CREB5: variants seen among roughly 807,000 people sequenced by gnomAD.
CREB5 encodes cyclic AMP-responsive element-binding protein 5.
CREB5 carries 19 observed loss-of-function variants against 57.1 expected under a neutral mutation model. The ratio of observed to expected loss-of-function variants is 0.33; its 90% CI spans 0.23 to 0.49. The LOEUF (loss-of-function observed/expected upper bound fraction) is 0.49. Ranked by LOEUF, CREB5 falls within the 20% of genes least tolerant of loss-of-function variation. CREB5 has a pLI of 0.99. For synonymous variants in CREB5, 238 were observed against 238.3 expected, an observed-to-expected ratio of 1.00 and a Z score of 0.01; for missense variants, 579 against 671.6, an observed-to-expected ratio of 0.86 and a Z score of 1.52.
upstream of CREB5, among the ~76,000 whole-genome samples, chr7:28,408,033 T>C (rs1361415553): frequency 2.0e-5 from 3 of 152,152 alleles, no homozygotes; most frequent in Non-Finnish European, 4.4e-5. Context: ...TTAGCAGAGG[T>C]TCCAACCACC....
In CREB5 at chr7:28,691,276, C is replaced by G. The variant is rs562137443; in HGVS notation, c.465-27477C>G. 2.4e-4 allele frequency among the ~76,000 whole-genome samples: 37 copies of G among 151,878 alleles called. 1 individual carries two copies. The highest frequency in any genetic ancestry group is 8.9e-4 in the African/African-American group (37 of 41,418). ...CTCTACTAAAACTACAAAACTTAGC[C>G]GGGTGTGGTGGCGGGTGCCTGTAAT... is the stretch of plus-strand genomic sequence containing the variant. On this transcript the variant is annotated intron_variant, in intron 5 of 10. Transcript: ENST00000357727.
intron 1 of CREB5, among the ~76,000 whole-genome samples, chr7:28,487,656 TC>T (rs772417166): frequency 6.6e-6 from 1 of 152,210 alleles, no homozygotes; most frequent in African/African-American, 2.4e-5. Context: ...TACTTTGTAG[TC>T]CCTTGGGAAT....
chr7:28,701,342 G>A (rs1476207322), intron 5 of CREB5, among the ~76,000 whole-genome samples: 2 of 152,046 alleles, frequency 1.3e-5, no homozygotes, highest in African/African-American at 4.8e-5. Context: ...TTTGGATAAA[G>A]CCAATTAACT....
At chr7:28,797,179 A>G (rs1466481755) in intron 7 of CREB5, among the ~76,000 whole-genome samples, 2 of 152,198 alleles carry the variant, frequency 1.3e-5, no homozygotes, top group Non-Finnish European at 2.9e-5. Flanking sequence ...TCAAAGTGCA[A>G]TGTATCACCT....
intron 4 of CREB5, among the ~76,000 whole-genome samples, chr7:28,560,901 C>CGTGTGTGTGTGCGCGTGTGCGTGCGT (rs1368518820): frequency 1.8e-4 from 4 of 21,664 alleles, no homozygotes; most frequent in Admixed American, 6.1e-4. Flanking sequence ...TGTGTGCGTG[C>CGTGTGTGTGTGCGCGTGTGCGTGCGT]GCGCGTGCGT....
intron 4 of CREB5, among the ~76,000 whole-genome samples, chr7:28,537,378 C>G (rs1258429713): frequency 1.0e-5 from 1 of 97,496 alleles, no homozygotes; most frequent in African/African-American, 3.8e-5. Context: ...GCACTTAAAG[C>G]CTTTTTTTTT....
intron 7 of CREB5, among the ~76,000 whole-genome samples, chr7:28,768,677 T>C (rs996637903): frequency 6.6e-6 from 1 of 152,224 alleles, no homozygotes; most frequent in Non-Finnish European, 1.5e-5. Flanking sequence ...GTTCTGCTTC[T>C]GTGGATGAGG....
chr7:28,724,904 G>T (rs1034188101), intron 7 of CREB5, among the ~76,000 whole-genome samples: 1 of 152,176 alleles, frequency 6.6e-6, no homozygotes, highest in Admixed American at 6.6e-5. Flanking sequence ...TTTGCAGTAA[G>T]GTCAGTCTTT....
chr7:28,653,440 A>G (rs1220479325), intron 5 of CREB5, among the ~76,000 whole-genome samples: 1 of 152,184 alleles, frequency 6.6e-6, no homozygotes, highest in Admixed American at 6.5e-5. Context: ...GGGTGAAAAC[A>G]TTCATTATAC....
At chr7:28,711,315 C>T (rs997726103) in intron 5 of CREB5, among the ~76,000 whole-genome samples, 6 of 152,170 alleles carry the variant, frequency 3.9e-5, no homozygotes, top group African/African-American at 1.4e-4. Flanking sequence ...AGATCTTCAG[C>T]CAGCAGCCCT....
intron 6 of CREB5, among the ~76,000 whole-genome samples, chr7:28,720,277 A>G (rs1341004539): frequency 6.6e-6 from 1 of 152,196 alleles, no homozygotes; most frequent in Non-Finnish European, 1.5e-5. Context: ...AACAATATTA[A>G]CAATGCCTTG....
chr7:28,632,431 G>C (rs1798237999), intron 5 of CREB5, among the ~76,000 whole-genome samples: 1 of 152,172 alleles, frequency 6.6e-6, no homozygotes, highest in Admixed American at 6.5e-5. Flanking sequence ...GGAGAAGTGA[G>C]GGTCCTTCTG....
intron 4 of CREB5, among the ~76,000 whole-genome samples, chr7:28,553,088 A>G (rs546432582): frequency 5.8e-4 from 88 of 152,338 alleles, no homozygotes; most frequent in Middle Eastern, 6.8e-3. Context: ...TTATAAAAAC[A>G]CTAAGGTCAT....
chr7:28,620,776 A>T (rs1448357139), intron 5 of CREB5, among the ~76,000 whole-genome samples: 1 of 152,206 alleles, frequency 6.6e-6, no homozygotes, highest in Non-Finnish European at 1.5e-5. Context: ...CAGAGTCAGG[A>T]GTTGTCTATA....
rs542452641 is a variant in CREB5 at position 28,474,966 on chromosome 7, C to T, written c.4-13209C>T. On this transcript the variant is annotated intron_variant, in intron 1 of 10. Transcript: ENST00000357727. ...TGATGGTATGTGAAAGATATGTTTT[C>T]ATTAAATAAAATTTTGACTACTCCC... 6.6e-5 allele frequency among the ~76,000 whole-genome samples: 10 copies of T among 152,294 alleles called. No homozygotes were observed. In the South Asian group the frequency reaches 2.1e-3, roughly 32 times the overall value.
upstream of CREB5, chr7:28,410,498 TC>T: frequency 4.4e-6 from 2 of 456,704 alleles, no homozygotes; most frequent in Non-Finnish European, 8.8e-6. Flanking sequence ...AGCAGCTGCA[TC>T]CCGCTTCTTC....
chr7:28,648,833 T>C (rs949141279), intron 5 of CREB5, among the ~76,000 whole-genome samples: 13 of 152,218 alleles, frequency 8.5e-5, no homozygotes, highest in Admixed American at 7.9e-4. Context: ...TTAAAGACTC[T>C]TTTATTTAAA....
intron 5 of CREB5, among the ~76,000 whole-genome samples, chr7:28,623,318 C>A (rs988196630): frequency 6.6e-6 from 1 of 152,232 alleles, no homozygotes; most frequent in African/African-American, 2.4e-5. Context: ...GCTAATCTTC[C>A]TGTTACCAAA....
chr7:28,492,938 G>A (rs1273299811), intron 2 of CREB5, among the ~76,000 whole-genome samples: 1 of 68,334 alleles, frequency 1.5e-5, no homozygotes, highest in East Asian at 2.3e-4. Context: ...TGAACCAGTA[G>A]CAAAAAATCA....
Sources: allele counts gnomAD v4.1 joint callset (sites outside exome capture counted in the v4.1 genomes callset), GRCh38; gene constraint gnomAD v4.1.1; transcripts MANE v1.5; gene names NCBI Gene and HGNC (gene_info 2026-07-23, HGNC 2026-07-21).